Variants in CADM2 observed in about 807,000 individuals in gnomAD.
The protein encoded by CADM2 is immunoglobulin superfamily member 4D.
A neutral mutation model predicts 49.8 loss-of-function variants in CADM2; 12 were observed. That is an observed-to-expected ratio of 0.24 (90% confidence interval 0.15 to 0.39). The LOEUF (loss-of-function observed/expected upper bound fraction) is 0.39, where lower values mean the gene tolerates loss of function less well. CADM2 is among the 10% of genes least tolerant of loss of function. The pLI, the probability that CADM2 is intolerant of heterozygous loss-of-function variation, is 1.00. For missense variants in CADM2, 378 were observed against 492.3 expected (o/e 0.77, Z 2.20); for synonymous variants, 214 against 175.4 (o/e 1.22, Z -1.74).
At chr3:85,975,642 A>G (rs1726684017) in intron 8 of CADM2, among the ~76,000 whole-genome samples, 1 of 151,624 alleles carries the variant, frequency 6.6e-6, no homozygotes, top group African/African-American at 2.4e-5. Flanking sequence ...AATACGACAC[A>G]ATTAATTTCT....
chr3:85,349,213 C>G (rs1380946912), intron 1 of CADM2, among the ~76,000 whole-genome samples: 1 of 152,252 alleles, frequency 6.6e-6, no homozygotes, highest in East Asian at 1.9e-4. Context: ...ACAGCCTCTC[C>G]GCGTTTATTA....
chr3:85,683,698 G>T (rs925757846), intron 1 of CADM2, among the ~76,000 whole-genome samples: 1 of 152,078 alleles, frequency 6.6e-6, no homozygotes, highest in African/African-American at 2.4e-5. Context: ...AACCTAGCTA[G>T]TACAAGTAGG....
intron 9 of CADM2, 148 bp downstream of exon 9, chr3:86,065,878 T>A: frequency 1.2e-6 from 1 of 811,714 alleles, no homozygotes; most frequent in Non-Finnish European, 1.7e-6. Context: ...AGCGAATTCT[T>A]AATTATTTTA....
At chr3:85,541,713 T>A (rs1282989368) in intron 1 of CADM2, among the ~76,000 whole-genome samples, 1,743 of 41,004 alleles carry the variant, frequency 0.043, 41 homozygotes, top group East Asian at 0.065. Context: ...TATATATATT[T>A]TATATTATAT....
chr3:85,305,354 T>C (rs564808486), intron 1 of CADM2, among the ~76,000 whole-genome samples: 27 of 151,628 alleles, frequency 1.8e-4, no homozygotes, highest in Non-Finnish European at 3.5e-4. Flanking sequence ...TTTCTGTTGA[T>C]ACAAAAAATT....
chr3:85,028,562 T>G (rs1045774442), intron 1 of CADM2, among the ~76,000 whole-genome samples: 14 of 152,152 alleles, frequency 9.2e-5, no homozygotes, highest in East Asian at 3.8e-4. Flanking sequence ...TTTCAAAATT[T>G]CTGAATACAA....
At chr3:85,355,180 C>A (rs2031751908) in intron 1 of CADM2, among the ~76,000 whole-genome samples, 1 of 151,990 alleles carries the variant, frequency 6.6e-6, no homozygotes, top group Admixed American at 6.6e-5. Context: ...GAGCTGTCAC[C>A]TCAAAACTGC....
chr3:85,629,010 T>C (rs1345824035), intron 1 of CADM2, among the ~76,000 whole-genome samples: 5 of 151,706 alleles, frequency 3.3e-5, no homozygotes, highest in Non-Finnish European at 5.9e-5. Flanking sequence ...CAAAATTAGA[T>C]TTTGCTTTAT....
chr3:85,559,202 A>T (rs2062030736), intron 1 of CADM2, among the ~76,000 whole-genome samples: 1 of 152,130 alleles, frequency 6.6e-6, no homozygotes, highest in Admixed American at 6.5e-5. Flanking sequence ...TATACATTAA[A>T]TATAAGCATA....
At chr3:85,432,279 C>T (rs910827792) in intron 1 of CADM2, among the ~76,000 whole-genome samples, 1 of 151,772 alleles carries the variant, frequency 6.6e-6, no homozygotes, top group Non-Finnish European at 1.5e-5. Context: ...GGGATGCTAA[C>T]ATCTTCAGTG....
intron 1 of CADM2, among the ~76,000 whole-genome samples, chr3:85,170,145 T>C (rs28706252): frequency 0.069 from 10,465 of 152,198 alleles, 1,204 homozygotes; most frequent in African/African-American, 0.24. Context: ...TCAGCTGTCC[T>C]CTGCTATTTA....
At chr3:85,928,569 A>G (rs1162665870) in intron 6 of CADM2, among the ~76,000 whole-genome samples, 2 of 152,190 alleles carry the variant, frequency 1.3e-5, no homozygotes, top group African/African-American at 2.4e-5. Context: ...AAAAAAATCT[A>G]GGAAAACAAT....
At chr3:85,426,667 A>G (rs1421204278) in intron 1 of CADM2, among the ~76,000 whole-genome samples, 2 of 152,214 alleles carry the variant, frequency 1.3e-5, no homozygotes, top group African/African-American at 2.4e-5. Context: ...AAAATGTACA[A>G]TTAAGTTATT....
rs528233313 is a variant in CADM2 at position 85,003,769 on chromosome 3, T to C, written c.61+44101T>C. Among the ~76,000 whole-genome samples the C allele has an allele frequency of 2.2e-3, 341 of 152,200 alleles. 2 individuals are homozygous for C. Among genetic ancestry groups the C allele is most frequent in the African/African-American group, 7.8e-3 (326 of 41,538 alleles). On this transcript the variant is annotated intron_variant, in intron 1 of 9. Transcript: ENST00000383699. ...AAACTTTGTAAAGAAAAAATGATAA[T>C]GAAAACCCTATTTTTAAAGTATTAG...
intron 1 of CADM2, among the ~76,000 whole-genome samples, chr3:85,188,470 T>C (rs1200427684): frequency 2.0e-5 from 3 of 152,220 alleles, no homozygotes; most frequent in African/African-American, 7.2e-5. Flanking sequence ...ATTTGCTCAG[T>C]ATATTTTCTG....
chr3:85,849,186 G>A (rs887541521), intron 3 of CADM2, among the ~76,000 whole-genome samples: 7 of 152,230 alleles, frequency 4.6e-5, no homozygotes, highest in South Asian at 2.1e-4. Flanking sequence ...AGCCAAATTC[G>A]TATTTATACA....
chr3:85,344,157 C>T (rs1355029488), intron 1 of CADM2, among the ~76,000 whole-genome samples: 1 of 151,454 alleles, frequency 6.6e-6, no homozygotes, highest in Admixed American at 6.6e-5. Context: ...GGGCAGATCA[C>T]GAAGTCAGGA....
chr3:85,992,630 T>A (rs1728918281), intron 8 of CADM2: 1 of 152,168 alleles, frequency 6.6e-6, no homozygotes, highest in Non-Finnish European at 1.5e-5. Flanking sequence ...ATATAAAAGT[T>A]AACTATCCCA....
chr3:85,744,525 G>A (rs1007208120), intron 2 of CADM2, among the ~76,000 whole-genome samples: 5 of 151,230 alleles, frequency 3.3e-5, no homozygotes, highest in African/African-American at 1.2e-4. Context: ...AAAATATAAA[G>A]ATAAATAATA....
Sources: gnomAD v4.1 joint callset for allele counts (sites outside exome capture counted in the v4.1 genomes callset) on GRCh38, gnomAD v4.1.1 for gene constraint, MANE v1.5 for transcripts, NCBI Gene and HGNC (gene_info 2026-07-23, HGNC 2026-07-21) for gene names.